Variants in MAST4 observed in about 807,000 individuals in gnomAD.
MAST4 encodes microtubule associated serine/threonine kinase family member 4.
MAST4 carries 89 observed loss-of-function variants against 162.7 expected under a neutral mutation model. The observed-to-expected ratio is 0.55, with a 90% CI of 0.46 to 0.65. The LOEUF (loss-of-function observed/expected upper bound fraction) is 0.65, where lower values mean the gene tolerates loss of function less well. Among genes scored for constraint, MAST4 ranks in the 30% least tolerant of loss-of-function variants. The probability of loss-of-function intolerance (pLI) is 0.00; values close to 1 mark genes in which losing one functional copy is unlikely to be tolerated. For missense variants in MAST4, 3,153 were observed against 3,374.0 expected, an observed-to-expected ratio of 0.93 and a Z score of 1.62; for synonymous variants, 1,479 against 1,361.1, an observed-to-expected ratio of 1.09 and a Z score of -1.91.
chr5:66,620,801 C>T (rs1405089200), intron 1 of MAST4, among the ~76,000 whole-genome samples: 4 of 151,472 alleles, frequency 2.6e-5, no homozygotes, highest in Non-Finnish European at 5.9e-5. Flanking sequence ...TTAAATGTCT[C>T]ACCAGAAGTG....
At chr5:66,607,888 C>T (rs1404833605) in intron 1 of MAST4, among the ~76,000 whole-genome samples, 2 of 151,944 alleles carry the variant, frequency 1.3e-5, no homozygotes, top group Non-Finnish European at 2.9e-5. Context: ...TTGGTGTTTT[C>T]TGATTTGTCA....
chr5:67,158,462 C>T (rs1772803893), intron 26 of MAST4, among the ~76,000 whole-genome samples: 1 of 152,074 alleles, frequency 6.6e-6, no homozygotes, highest in Admixed American at 6.6e-5. Context: ...ATCCCAGCTA[C>T]TCAGAGGGTG....
intron 2 of MAST4, among the ~76,000 whole-genome samples, chr5:66,763,401 G>A (rs1181709081): frequency 6.6e-6 from 1 of 152,040 alleles, no homozygotes; most frequent in Non-Finnish European, 1.5e-5. Context: ...CACATTGGTC[G>A]ACCCAGAAAT....
chr5:66,646,608 G>T (rs1431284773), intron 1 of MAST4, among the ~76,000 whole-genome samples: 1 of 152,172 alleles, frequency 6.6e-6, no homozygotes, highest in Non-Finnish European at 1.5e-5. Context: ...TATTCATAGA[G>T]ATATTTTTTA....
intron 3 of MAST4, among the ~76,000 whole-genome samples, chr5:66,837,881 TATATATA>T (rs1342534753): frequency 3.7e-5 from 2 of 54,622 alleles, no homozygotes; most frequent in African/African-American, 1.9e-4. Flanking sequence ...TATATATATA[TATATATA>T]TATATATTTT....
At chr5:66,815,304 C>A (rs550091709) in intron 3 of MAST4, among the ~76,000 whole-genome samples, 5 of 152,224 alleles carry the variant, frequency 3.3e-5, no homozygotes, top group African/African-American at 9.6e-5. Context: ...TAACATATTC[C>A]CCCCTTATCT....
chr5:66,640,309 C>CTTTTTTTTT (rs770087325), intron 1 of MAST4, among the ~76,000 whole-genome samples: 1 of 139,918 alleles, frequency 7.1e-6, no homozygotes. Context: ...CAATTTGTTT[C>CTTTTTTTTT]TTTTTTTTTT....
At chr5:66,898,382 A>G (rs1243962711) in intron 3 of MAST4, among the ~76,000 whole-genome samples, 1 of 152,214 alleles carries the variant, frequency 6.6e-6, no homozygotes. Flanking sequence ...TACAACACTG[A>G]TTTCTCAATG....
chr5:66,784,617 A>G (rs1375784892), intron 2 of MAST4, among the ~76,000 whole-genome samples: 1 of 152,218 alleles, frequency 6.6e-6, no homozygotes, highest in African/African-American at 2.4e-5. Context: ...ATCACTTACA[A>G]GAAGAAATAT....
At chr5:66,844,040 AG>A (rs1453418158) in intron 3 of MAST4, among the ~76,000 whole-genome samples, 8 of 151,932 alleles carry the variant, frequency 5.3e-5, no homozygotes, top group African/African-American at 1.9e-4. Flanking sequence ...TCATTATAAT[AG>A]CCCTTCCCGT....
At chr5:66,909,322 C>T (rs1007520668) in intron 4 of MAST4, among the ~76,000 whole-genome samples, 3 of 152,180 alleles carry the variant, frequency 2.0e-5, no homozygotes, top group African/African-American at 7.2e-5. Flanking sequence ...GAACTCACTC[C>T]CTGTCCTCAG....
chr5:66,919,061 C>A (rs1461649088), intron 4 of MAST4, among the ~76,000 whole-genome samples: 3 of 150,728 alleles, frequency 2.0e-5, no homozygotes, highest in Non-Finnish European at 3.0e-5. Flanking sequence ...CAAGATCACA[C>A]CACTGCACTC....
chr5:67,155,070 G>GT (rs1406114299), intron 26 of MAST4, among the ~76,000 whole-genome samples: 2 of 152,234 alleles, frequency 1.3e-5, no homozygotes, highest in Non-Finnish European at 2.9e-5. Context: ...TGACAGGGGT[G>GT]TAGGTGTATG....
chr5:66,934,644 G>A (rs1742527793), intron 4 of MAST4, among the ~76,000 whole-genome samples: 1 of 151,976 alleles, frequency 6.6e-6, no homozygotes. Context: ...AAGAATTGGT[G>A]CAGATTACTT....
intron 3 of MAST4, among the ~76,000 whole-genome samples, chr5:66,875,208 A>G (rs968138112): frequency 2.0e-5 from 3 of 152,242 alleles, no homozygotes; most frequent in African/African-American, 7.2e-5. Context: ...TTAAGGACAT[A>G]GAAAGATGAG....
chr5:66,611,352 T>G (rs1743275858), intron 1 of MAST4, among the ~76,000 whole-genome samples: 1 of 152,250 alleles, frequency 6.6e-6, no homozygotes, highest in African/African-American at 2.4e-5. Flanking sequence ...CCACAGAGTT[T>G]GTGGACGGAT....
At chr5:66,676,374 G>C (rs1451471134) in intron 1 of MAST4, among the ~76,000 whole-genome samples, 1 of 152,156 alleles carries the variant, frequency 6.6e-6, no homozygotes, top group Non-Finnish European at 1.5e-5. Context: ...CTAGGCTCTT[G>C]GGGGATATTC....
intron 1 of MAST4, among the ~76,000 whole-genome samples, chr5:66,674,942 G>T (rs1328696705): frequency 6.6e-6 from 1 of 152,166 alleles, no homozygotes; most frequent in Non-Finnish European, 1.5e-5. Context: ...TCAGAAAATG[G>T]CAGGCACCAG....
intron 4 of MAST4, among the ~76,000 whole-genome samples, chr5:66,983,627 G>C (rs938772419): frequency 6.6e-6 from 1 of 152,086 alleles, no homozygotes; most frequent in Non-Finnish European, 1.5e-5. Flanking sequence ...CAGGGGAAAT[G>C]ATTAGTAAAT....
Sources: gnomAD v4.1 joint callset for allele counts (sites outside exome capture counted in the v4.1 genomes callset) on GRCh38, gnomAD v4.1.1 for gene constraint, MANE v1.5 for transcripts, NCBI Gene and HGNC (gene_info 2026-07-23, HGNC 2026-07-21) for gene names.